The following ZNF717 variants were observed in gnomAD, a reference collection of about 807,000 sequenced individuals.
The protein encoded by ZNF717 is zinc finger protein 717.
Under a neutral mutation model 13.8 loss-of-function variants are expected in ZNF717, and 9 were observed. The observed-to-expected ratio is 0.65, with a 90% CI of 0.39 to 1.14. The LOEUF is 1.14. Ranked by LOEUF, ZNF717 falls within the 50% of genes most tolerant of loss-of-function variation. The pLI, the probability that ZNF717 is intolerant of heterozygous loss-of-function variation, is 0.01. For synonymous variants in ZNF717, 327 were observed against 364.1 expected (o/e 0.90, Z 1.16); for missense variants, 1,040 against 1,080.7 (o/e 0.96, Z 0.53).
chr3:75,731,265 T>C (rs1392998302), downstream of ZNF717, among the ~76,000 whole-genome samples: 3 of 152,176 alleles, frequency 2.0e-5, no homozygotes, highest in Non-Finnish European at 4.4e-5. Flanking sequence ...TAGTACCAGC[T>C]ACTTGGGAGG....
intron 6 of ZNF717, among the ~76,000 whole-genome samples, chr3:75,696,759 G>C (rs113232681): frequency 0.058 from 6,275 of 108,438 alleles, no homozygotes; most frequent in East Asian, 0.19. Context: ...CAGTCACGGT[G>C]GTGGGTGCCT....
At chr3:75,735,097 T>A (rs1390565750), downstream of ZNF717, among the ~76,000 whole-genome samples, 63 of 152,306 alleles carry the variant, frequency 4.1e-4, no homozygotes, top group South Asian at 1.0e-3. Context: ...AGTGTTGGGA[T>A]TACAGGCTTG....
At chr3:75,740,357 C>T (rs1309063107) in intron 4 of ZNF717, among the ~76,000 whole-genome samples, 1 of 152,112 alleles carries the variant, frequency 6.6e-6, no homozygotes, top group Non-Finnish European at 1.5e-5. Context: ...CCTCCCAAGT[C>T]CAGCACCACC....
intron 2 of ZNF717, among the ~76,000 whole-genome samples, chr3:75,766,023 G>A (rs909300229): frequency 6.6e-6 from 1 of 152,180 alleles, no homozygotes; most frequent in African/African-American, 2.4e-5. Context: ...GTGAGGACTG[G>A]TTGGGCCTGG....
downstream of ZNF717, among the ~76,000 whole-genome samples, chr3:75,728,042 C>T (rs1209091185): frequency 1.3e-5 from 2 of 152,232 alleles, no homozygotes; most frequent in Admixed American, 6.5e-5. Context: ...GGACTTGATA[C>T]TAGCACTGCA....
chr3:75,712,261 T>C (rs1331002302), intron 5 of ZNF717, among the ~76,000 whole-genome samples: 1 of 152,288 alleles, frequency 6.6e-6, no homozygotes, highest in African/African-American at 2.4e-5. Context: ...GGAAATTGTC[T>C]GTAGTTTAGA....
chr3:75,758,343 G>C (rs970075266), intron 2 of ZNF717, among the ~76,000 whole-genome samples: 21 of 151,182 alleles, frequency 1.4e-4, no homozygotes, highest in African/African-American at 5.1e-4. Flanking sequence ...AGCAAAGAAA[G>C]TAGTTTCTTG....
chr3:75,769,631 G>A (rs1943745654), intron 2 of ZNF717, among the ~76,000 whole-genome samples: 1 of 152,150 alleles, frequency 6.6e-6, no homozygotes, highest in Non-Finnish European at 1.5e-5. Context: ...TGAGTATTAG[G>A]TTAAAAATGC....
At chr3:75,759,613 G>A (rs1239370769) in intron 2 of ZNF717, among the ~76,000 whole-genome samples, 4 of 151,692 alleles carry the variant, frequency 2.6e-5, no homozygotes, top group Non-Finnish European at 5.9e-5. Context: ...CTGTCACCCA[G>A]GGAGGAGCGC....
At chr3:75,720,145 G>A (rs1575721332) in intron 4 of ZNF717, among the ~76,000 whole-genome samples, 1 of 151,916 alleles carries the variant, frequency 6.6e-6, no homozygotes, top group African/African-American at 2.4e-5. Flanking sequence ...CCATTACTGG[G>A]TGTATACCCA....
intron 4 of ZNF717, among the ~76,000 whole-genome samples, chr3:75,719,128 T>C (rs1575720729): frequency 6.6e-6 from 1 of 151,764 alleles, no homozygotes; most frequent in African/African-American, 2.4e-5. Flanking sequence ...ACCCTCTGTG[T>C]ACAAGAAAAT....
intron 4 of ZNF717, among the ~76,000 whole-genome samples, chr3:75,724,265 C>T (rs74185816): frequency 6.6e-6 from 1 of 151,778 alleles, no homozygotes; most frequent in South Asian, 2.1e-4. Flanking sequence ...GGTAGTGGTC[C>T]CCCGGGCCCA....
intron 4 of ZNF717, among the ~76,000 whole-genome samples, chr3:75,740,689 G>A (rs1269289967): frequency 6.6e-6 from 1 of 151,966 alleles, no homozygotes; most frequent in African/African-American, 2.4e-5. Flanking sequence ...AAATTAGCCA[G>A]GTGTGGTGGC....
chr3:75,754,474 C>A (rs72896621), intron 2 of ZNF717, among the ~76,000 whole-genome samples: 1 of 148,638 alleles, frequency 6.7e-6, no homozygotes, highest in Non-Finnish European at 1.5e-5. Context: ...AATGAATGAA[C>A]TAGACAGCAT....
intron 2 of ZNF717, among the ~76,000 whole-genome samples, chr3:75,777,365 G>C (rs11713334): frequency 7.0e-6 from 1 of 143,194 alleles, no homozygotes; most frequent in African/African-American, 2.6e-5. Flanking sequence ...TGGGAGTGAC[G>C]TGCTAAAACC....
intron 2 of ZNF717, among the ~76,000 whole-genome samples, chr3:75,768,827 A>AGTG (rs1377326255): frequency 6.7e-6 from 1 of 148,362 alleles, no homozygotes; most frequent in African/African-American, 2.5e-5. Context: ...TCTGTCACTG[A>AGTG]GTGTGTGGGG....
chr3:75,763,717 A>G (rs1023726362), intron 2 of ZNF717, among the ~76,000 whole-genome samples: 1 of 152,280 alleles, frequency 6.6e-6, no homozygotes, highest in Non-Finnish European at 1.5e-5. Flanking sequence ...AGAAAGTGAG[A>G]CATCAAACTA....
rs368615791 is a variant in ZNF717, at chr3:75,776,017, C to T, written c.57+7289G>A. Among the ~76,000 whole-genome samples the T allele has an allele frequency of 6.0e-4, 92 of 152,352 alleles. No individual in the cohort carries two copies. The South Asian group carries it at 0.01, about 17-fold the overall frequency. On this transcript the variant is annotated intron_variant, in intron 2 of 4. Transcript: ENST00000652011. ...TGTTTAGACATATAATTTAAATAAA[C>T]TCCATGGTCTAAGTCAAATTACCTA...
intron 6 of ZNF717, among the ~76,000 whole-genome samples, chr3:75,696,937 A>G: frequency 6.6e-6 from 1 of 152,312 alleles, no homozygotes; most frequent in East Asian, 1.9e-4. Context: ...AATCCATATA[A>G]TCATTTCAAT....
Sources: gnomAD v4.1 joint callset for allele counts (sites outside exome capture counted in the v4.1 genomes callset) on GRCh38, gnomAD v4.1.1 for gene constraint, MANE v1.5 for transcripts, NCBI Gene and HGNC (gene_info 2026-07-23, HGNC 2026-07-21) for gene names.